Variants in PRIM2 observed in about 807,000 individuals in gnomAD.
The protein encoded by PRIM2 is DNA primase subunit 2, also known as DNA primase large subunit.
In PRIM2, 39 loss-of-function variants were observed where a neutral mutation model predicts 67.3. That is an observed-to-expected ratio of 0.58 (90% CI 0.45 to 0.76). The LOEUF (loss-of-function observed/expected upper bound fraction) is 0.76. PRIM2 is among the 30% of genes least tolerant of loss of function. The pLI is 0.00. For missense variants in PRIM2, 398 were observed against 598.7 expected (o/e 0.66, Z 3.50); for synonymous variants, 143 against 198.7 (o/e 0.72, Z 2.36).
chr6:57,245,095 C>A, the PRIM2 span, among the ~76,000 whole-genome samples: 1 of 152,104 alleles, frequency 6.6e-6, no homozygotes, highest in Non-Finnish European at 1.5e-5. Flanking sequence ...CCTCTCTCCA[C>A]TGTTTCTGCT....
chr6:57,521,812 T>C (rs1463024307), intron 8 of PRIM2, among the ~76,000 whole-genome samples: 1 of 152,202 alleles, frequency 6.6e-6, no homozygotes, highest in African/African-American at 2.4e-5. Flanking sequence ...GTTTTATATG[T>C]TATTGTTTTA....
At chr6:57,431,377 G>A (rs1268975997) in intron 7 of PRIM2, among the ~76,000 whole-genome samples, 1 of 152,036 alleles carries the variant, frequency 6.6e-6, no homozygotes, top group Non-Finnish European at 1.5e-5. Context: ...TGGAGTCTGG[G>A]CACAGTGGCT....
chr6:57,546,017 A>G (rs1330074169), intron 10 of PRIM2, among the ~76,000 whole-genome samples: 1 of 152,210 alleles, frequency 6.6e-6, no homozygotes, highest in African/African-American at 2.4e-5. Context: ...GTAGGTGCCA[A>G]CCAGGATCCT....
intron 7 of PRIM2, among the ~76,000 whole-genome samples, chr6:57,477,315 T>A (rs1194680025): frequency 6.6e-6 from 1 of 152,218 alleles, no homozygotes; most frequent in Non-Finnish European, 1.5e-5. Context: ...GAAATTGAAT[T>A]CCTAGTTTTT....
At chr6:57,396,804 C>T (rs1034038908) in intron 7 of PRIM2, among the ~76,000 whole-genome samples, 1 of 151,934 alleles carries the variant, frequency 6.6e-6, no homozygotes, top group Non-Finnish European at 1.5e-5. Flanking sequence ...TGATGTGTTT[C>T]CAGGATTTAT....
chr6:57,566,187 T>TC (rs1775735727), intron 10 of PRIM2, among the ~76,000 whole-genome samples: 1 of 151,770 alleles, frequency 6.6e-6, no homozygotes, highest in African/African-American at 2.4e-5. Flanking sequence ...TTTTTTTTTT[T>TC]TCTGTAAATG....
chr6:57,611,856 A>G (rs1465386256), intron 12 of PRIM2, among the ~76,000 whole-genome samples: 8 of 152,100 alleles, frequency 5.3e-5, no homozygotes, highest in African/African-American at 1.7e-4. Context: ...TAAATTTCAT[A>G]AAAGATGTGA....
chr6:57,401,972 G>C (rs373643637), intron 7 of PRIM2, among the ~76,000 whole-genome samples: 2 of 152,196 alleles, frequency 1.3e-5, no homozygotes, highest in Non-Finnish European at 2.9e-5. Flanking sequence ...GAGGCTTTCA[G>C]TTGCCCCTGG....
At position 57,474,289 on chromosome 6, in the gene PRIM2, C is replaced by T. The variant is rs1274335289; in HGVS notation, c.694-33098C>T. ...TCCCGGGGTTCATGCCATTCTCCTG[C>T]CTCAGCCTCTGAGTAGCTGAGACTA... is the stretch of plus-strand genomic sequence containing the variant. On this transcript the variant is annotated intron_variant, in intron 7 of 13. Coordinates refer to ENST00000615550, the MANE Select transcript of PRIM2 (RefSeq NM_000947.5). Among the ~76,000 whole-genome samples the T allele has an allele frequency of 1.2e-4, 16 of 137,676 alleles. No individual in the cohort carries two copies. In the East Asian group the frequency reaches 3.1e-3, roughly 26 times the overall value. 90.3% of individuals were successfully genotyped at this position (137,676 alleles called of 152,430 possible).
At chr6:57,267,641 G>A in the PRIM2 span, among the ~76,000 whole-genome samples, 2 of 151,700 alleles carry the variant, frequency 1.3e-5, no homozygotes, top group Non-Finnish European at 2.9e-5. Context: ...ATGCACGGTG[G>A]CTCACACTTG....
intron 10 of PRIM2, among the ~76,000 whole-genome samples, chr6:57,578,083 T>C (rs1390409071): frequency 6.6e-6 from 1 of 152,180 alleles, no homozygotes; most frequent in Non-Finnish European, 1.5e-5. Context: ...ACTTTGGGTT[T>C]GTCTGAAGTT....
At chr6:57,604,157 C>A (rs1189519229) in intron 11 of PRIM2, among the ~76,000 whole-genome samples, 2 of 151,880 alleles carry the variant, frequency 1.3e-5, no homozygotes, top group Admixed American at 6.6e-5. Flanking sequence ...AATTAAAAAG[C>A]AAAACAAAAA....
At chr6:57,621,584 C>A (rs1195266500) in intron 12 of PRIM2, among the ~76,000 whole-genome samples, 6 of 152,002 alleles carry the variant, frequency 3.9e-5, no homozygotes, top group African/African-American at 1.5e-4. Context: ...ACAAAAACTC[C>A]ACTTCTGTAT....
chr6:57,402,903 C>A (rs199675788), intron 7 of PRIM2, among the ~76,000 whole-genome samples: 6 of 151,994 alleles, frequency 3.9e-5, no homozygotes, highest in Non-Finnish European at 8.8e-5. Context: ...TTGCACATAT[C>A]CAGTTTAGAA....
chr6:57,227,748 A>T, the PRIM2 span, among the ~76,000 whole-genome samples: 1 of 152,138 alleles, frequency 6.6e-6, no homozygotes, highest in Non-Finnish European at 1.5e-5. Context: ...TAAATAAAGT[A>T]GGTAAAGGTC....
chr6:57,637,563 G>T (rs1777143216), intron 13 of PRIM2, among the ~76,000 whole-genome samples: 1 of 152,070 alleles, frequency 6.6e-6, no homozygotes, highest in Non-Finnish European at 1.5e-5. Context: ...GAACATAAAT[G>T]ACCTGATGGA....
chr6:57,577,774 CA>C (rs1775990566), intron 10 of PRIM2, among the ~76,000 whole-genome samples: 1 of 152,152 alleles, frequency 6.6e-6, no homozygotes, highest in Admixed American at 6.6e-5. Context: ...TGGAAAGTTA[CA>C]AAAACAATAC....
intron 7 of PRIM2, among the ~76,000 whole-genome samples, chr6:57,430,797 G>T (rs9396297): frequency 6.6e-6 from 1 of 152,080 alleles, no homozygotes; most frequent in Non-Finnish European, 1.5e-5. Context: ...ACTGTTGTTA[G>T]AAGCAAATGA....
At chr6:57,566,825 G>A (rs1321448304) in intron 10 of PRIM2, among the ~76,000 whole-genome samples, 2 of 152,116 alleles carry the variant, frequency 1.3e-5, no homozygotes, top group Admixed American at 6.6e-5. Flanking sequence ...AGTTTTCAGA[G>A]CAATTAAGTG....
Sources: gnomAD v4.1 joint callset for allele counts (sites outside exome capture counted in the v4.1 genomes callset) on GRCh38, gnomAD v4.1.1 for gene constraint, MANE v1.5 for transcripts, NCBI Gene and HGNC (gene_info 2026-07-23, HGNC 2026-07-21) for gene names.